Variants in UGT1A8 observed in about 807,000 individuals in gnomAD.
UGT1A8 encodes the protein UDP-glucuronosyltransferase 1A8.
Under a neutral mutation model 45.3 loss-of-function variants are expected in UGT1A8, and 39 were observed. The observed-to-expected ratio is 0.86, with a 90% CI of 0.67 to 1.12. The LOEUF (loss-of-function observed/expected upper bound fraction) is 1.12. UGT1A8 is among the 50% of genes most tolerant of loss of function. The pLI is 0.00. For synonymous variants in UGT1A8, 275 were observed against 249.2 expected (o/e 1.10, Z -0.97); for missense variants, 719 against 664.9 (o/e 1.08, Z -0.90).
At position 233,618,058 on chromosome 2, in the gene UGT1A8, T is replaced by C; in HGVS notation, c.351T>C (p.Phe117=). 1.2e-6 allele frequency: 2 copies of C among 1,614,010 alleles called. No individual in the cohort carries two copies. The change falls in exon 1 of 5, where the codon TTT becomes TTC. Residue 117 remains phenylalanine (F), a synonymous_variant. Transcript: ENST00000373450. ...SLFLSSSNGF[F]NLFFSHCRSL... ...TTCTGAGTTCATCCAATGGTTTTTTTAACTTATTTTTTTCGCATTGCAGGA... is the reference window on the plus strand; with the variant it reads ...TTCTGAGTTCATCCAATGGTTTTTTCAACTTATTTTTTTCGCATTGCAGGA...
intron 1 of UGT1A8, among the ~76,000 whole-genome samples, chr2:233,727,580 T>C (rs17863793): frequency 3.9e-5 from 6 of 152,020 alleles, no homozygotes; most frequent in African/African-American, 1.4e-4. Flanking sequence ...TTAGGAAGCA[T>C]ATAGTTTTAA....
chr2:233,729,516 G>A, intron 1 of UGT1A8: 1 of 1,614,186 alleles, frequency 6.2e-7, no homozygotes, highest in Non-Finnish European at 8.5e-7. Flanking sequence ...CTTGTGTGGA[G>A]CTACTACATA....
rs749630489 is a variant in UGT1A8, at chr2:233,719,276, C to A, written c.856-47758C>A. On this transcript the variant is annotated intron_variant, in intron 1 of 4. Coordinates refer to ENST00000373450, the MANE Select transcript of UGT1A8 (RefSeq NM_019076.5). ...CTTCCTTTGATGTGGTTTTAACAGA[C>A]CCCGTTAACCTCTGTGGGGCGGTGC... is the stretch of plus-strand genomic sequence containing the variant. 1.5e-5 allele frequency: 25 copies of A among 1,614,000 alleles called. No individual in the cohort carries two copies. The Admixed American group carries it at 3.3e-4, about 22-fold the overall frequency.
chr2:233,670,184 A>G (rs1371794561), intron 1 of UGT1A8, among the ~76,000 whole-genome samples: 1 of 152,246 alleles, frequency 6.6e-6, no homozygotes, highest in African/African-American at 2.4e-5. Context: ...TTAAGTATTC[A>G]TTAAGTGGAA....
chr2:233,649,275 A>G (rs921214596), intron 1 of UGT1A8, among the ~76,000 whole-genome samples: 1 of 152,206 alleles, frequency 6.6e-6, no homozygotes, highest in Admixed American at 6.5e-5. Context: ...ATTTTGAAAC[A>G]GAGTATTGCT....
chr2:233,720,767 C>T (rs550051357), intron 1 of UGT1A8, among the ~76,000 whole-genome samples: 21 of 150,960 alleles, frequency 1.4e-4, no homozygotes, highest in African/African-American at 4.9e-4. Flanking sequence ...GGGCAGTGGC[C>T]GGATCTCCGC....
chr2:233,636,963 G>C lies in UGT1A8; in HGVS notation c.855+18401G>C, dbSNP rs766629881. ...AGAGTTCTTTTGATGCAGTGTTTCT[G>C]GATCCTTTTGATACCTGTGGCTTAA... On this transcript the variant is annotated intron_variant, in intron 1 of 4. Transcript: ENST00000373450. 2.3e-5 allele frequency: 37 copies of C among 1,613,896 alleles called. 1 individual carries two copies. In the South Asian group the frequency reaches 2.6e-4, roughly 11 times the overall value.
intron 1 of UGT1A8, chr2:233,750,470 T>A (rs1412262508): frequency 6.6e-6 from 1 of 151,972 alleles, no homozygotes; most frequent in Non-Finnish European, 1.5e-5. Context: ...AAATACTGGC[T>A]ATAGAAATTT....
At position 233,772,409 on chromosome 2, in the gene UGT1A8, C is replaced by T. The variant is rs147132183; in HGVS notation, c.1443C>T (p.Tyr481=). The part of the protein sequence containing the change: ...LRPAAHDLTW[Y]QYHSLDVIGF... ...CCGCAGCCCACGACCTCACCTGGTA[C>T]CAGTACCATTCCTTGGACGTGATTG... is the stretch of plus-strand genomic sequence containing the variant. Residue 481 remains tyrosine (Y), a synonymous_variant, in exon 5 of 5, where the codon TAC becomes TAT. Coordinates refer to ENST00000373450, the MANE Select transcript of UGT1A8 (RefSeq NM_019076.5). 8.1e-6 allele frequency: 13 copies of T among 1,614,110 alleles called. No homozygotes were observed. In the African/African-American group the frequency reaches 1.2e-4, roughly 15 times the overall value.
At chr2:233,717,885 C>T (rs1165690902) in intron 1 of UGT1A8, 3 of 454,846 alleles carry the variant, frequency 6.6e-6, no homozygotes, top group South Asian at 3.1e-5. Flanking sequence ...AAAGCCTGGC[C>T]ATAATCTTCA....
chr2:233,619,481 G>C (rs1015978181), intron 1 of UGT1A8, among the ~76,000 whole-genome samples: 2 of 152,070 alleles, frequency 1.3e-5, no homozygotes, highest in East Asian at 1.9e-4. Flanking sequence ...TAGGGTTAGA[G>C]GGTTTTCCTG....
At chr2:233,697,583 G>T in intron 1 of UGT1A8, among the ~76,000 whole-genome samples, 1 of 146,206 alleles carries the variant, frequency 6.8e-6, no homozygotes, top group Non-Finnish European at 1.5e-5. Flanking sequence ...TTTTTTCCCT[G>T]ATCTTTATTA....
Position 233,768,378 on chromosome 2 carries a change from G to T in UGT1A8, c.1234G>T (p.Val412Phe). 6.2e-7 allele frequency: 1 copy of T among 1,614,156 alleles called. No homozygotes were observed. The highest frequency in any genetic ancestry group is 1.1e-5 in the South Asian group (1 of 91,088). ...ETKGAGVTLNVLEMTSEDLEN... is the reference protein window; with the variant it reads ...ETKGAGVTLNFLEMTSEDLEN... ...TAAGGGAGCTGGAGTGACCCTGAAT[G>T]TTCTGGAAATGACTTCTGAAGATTT... Residue 412 changes from valine (V) to phenylalanine (F), a missense_variant, in exon 4 of 5, where the codon GTT (valine) becomes TTT (phenylalanine). Transcript: ENST00000373450.
At chr2:233,691,686 G>T in intron 1 of UGT1A8, 1 of 955,316 alleles carries the variant, frequency 1.0e-6, no homozygotes, top group South Asian at 5.0e-5. Flanking sequence ...GAAACCTGAA[G>T]CTCAGGAGAG....
intron 1 of UGT1A8, chr2:233,761,239 G>A (rs147865713): frequency 6.2e-7 from 1 of 1,612,198 alleles, no homozygotes; most frequent in Admixed American, 1.7e-5. Context: ...TATATGCTGA[G>A]CAAGCATTCT....
intron 1 of UGT1A8, among the ~76,000 whole-genome samples, chr2:233,716,262 C>T (rs2076494845): frequency 6.6e-6 from 1 of 152,162 alleles, no homozygotes; most frequent in Admixed American, 6.5e-5. Flanking sequence ...GCATAATCTC[C>T]CCATGTCAAA....
At chr2:233,741,369 G>A (rs190389633) in intron 1 of UGT1A8, among the ~76,000 whole-genome samples, 1 of 151,798 alleles carries the variant, frequency 6.6e-6, no homozygotes, top group East Asian at 1.9e-4. Context: ...CAATGAAACT[G>A]CCCATGCCTT....
chr2:233,645,505 C>T (rs1056675558), intron 1 of UGT1A8, among the ~76,000 whole-genome samples: 2 of 152,202 alleles, frequency 1.3e-5, no homozygotes, highest in African/African-American at 4.8e-5. Flanking sequence ...AAATCAAAAG[C>T]AAGTTAGTTA....
chr2:233,697,477 C>T (rs966758556), intron 1 of UGT1A8, among the ~76,000 whole-genome samples: 1 of 149,952 alleles, frequency 6.7e-6, no homozygotes, highest in Non-Finnish European at 1.5e-5. Flanking sequence ...CTTAGTCTAG[C>T]TCAAGGTTTG....
Sources: gnomAD v4.1 joint callset for allele counts (sites outside exome capture counted in the v4.1 genomes callset) on GRCh38, gnomAD v4.1.1 for gene constraint, MANE v1.5 for transcripts, NCBI Gene and HGNC (gene_info 2026-07-23, HGNC 2026-07-21) for gene names.